The following PLPP7 variants were observed in gnomAD, a reference collection of about 807,000 sequenced individuals.
PLPP7 encodes phospholipid phosphatase 7 (inactive).
PLPP7 carries 11 observed loss-of-function variants against 16.9 expected under a neutral mutation model. The observed-to-expected ratio is 0.65, with a 90% CI of 0.41 to 1.08. PLPP7 has a LOEUF of 1.08. PLPP7 is among the 50% of genes least tolerant of loss of function. The pLI, the probability that PLPP7 is intolerant of heterozygous loss-of-function variation, is 0.00. For synonymous variants in PLPP7, 174 were observed against 175.1 expected (o/e 0.99, Z 0.05); for missense variants, 358 against 397.1 (o/e 0.90, Z 0.84).
rs375155925 is a variant in PLPP7 at position 131,290,090 on chromosome 9, G to T, written c.93G>T (p.Gly31=). 96 of 1,511,574 alleles carry T rather than the reference G, an allele frequency of 6.4e-5. No homozygotes were observed. The highest frequency in any genetic ancestry group is 8.1e-5 in the Non-Finnish European group (92 of 1,130,754). 93.6% of individuals were successfully genotyped at this position (1,511,574 alleles called of 1,614,324 possible). ...TGTCCCTGAACCAGCCCCCCAAGGG[G>T]GGCCCGGAGCCCCGCAGCTCGGGCA... ...EFLSLNQPPK[G]GPEPRSSGRK... is the part of the protein sequence containing the mutation. Residue 31 remains glycine (G), a synonymous_variant, in exon 1 of 2, where the codon GGG becomes GGT. Coordinates refer to ENST00000372264, the MANE Select transcript of PLPP7 (RefSeq NM_032728.4). The surrounding 1 kb of genome is among the most constrained non-coding windows in gnomAD (Gnocchi z 4.2).
chr9:131,299,367 CT>C (rs879556919), intron 1 of PLPP7, among the ~76,000 whole-genome samples: 101,468 of 151,940 alleles, frequency 0.67, 34,841 homozygotes, highest in Middle Eastern at 0.78. Flanking sequence ...CTTGAGTCAA[CT>C]GGTCGACTGG....
At chr9:131,301,489 C>T (rs1271569696) in intron 1 of PLPP7, among the ~76,000 whole-genome samples, 2 of 152,234 alleles carry the variant, frequency 1.3e-5, no homozygotes, top group Non-Finnish European at 2.9e-5. Flanking sequence ...CAACCACCAC[C>T]ACCAGGAGGC....
intron 1 of PLPP7, among the ~76,000 whole-genome samples, chr9:131,302,097 G>T (rs904998445): frequency 6.6e-6 from 1 of 152,156 alleles, no homozygotes; most frequent in African/African-American, 2.4e-5. Context: ...GGAATTACAG[G>T]CGTGAGCCAC....
intron 1 of PLPP7, among the ~76,000 whole-genome samples, chr9:131,303,040 A>G (rs915089832): frequency 1.6e-4 from 25 of 152,296 alleles, no homozygotes; most frequent in African/African-American, 5.5e-4. Flanking sequence ...TATTAAATCT[A>G]TGCTCCAAAG....
chr9:131,289,916 C>A lies in PLPP7; in HGVS notation c.-82C>A. The A allele has an allele frequency of 8.2e-7, 1 of 1,214,556 alleles. No individual in the cohort carries two copies. 75.2% of individuals were successfully genotyped at this position (1,214,556 alleles called of 1,614,324 possible). ...GGCAGGGAGGCAGCCACGGTGGCGG[C>A]TCTGGGGGCAGCTCTTGTCTTCGGG... On this transcript the variant is annotated 5_prime_UTR_variant, in exon 1 of 2. Coordinates refer to ENST00000372264, the MANE Select transcript of PLPP7 (RefSeq NM_032728.4).
intron 1 of PLPP7, among the ~76,000 whole-genome samples, chr9:131,296,383 C>T (rs900633042): frequency 6.6e-6 from 1 of 152,206 alleles, no homozygotes; most frequent in African/African-American, 2.4e-5. Flanking sequence ...CCTGCCTCTG[C>T]CTCCCAAGTA....
In PLPP7 at chr9:131,308,266, G is replaced by T. The variant is rs2131222631; in HGVS notation, c.795G>T (p.Gln265His). Reference protein sequence around the residue: ...ELVWMPSSTCQMLISAW With the variant: ...ELVWMPSSTCHMLISAW ...TCTGGATGCCCTCCAGCACCTGCCA[G>T]ATGCTCATCTCTGCCTGGTGAAGCG... is the stretch of plus-strand genomic sequence containing the variant. The change falls in exon 2 of 2, where the codon CAG becomes CAT. Residue 265 changes from glutamine (Q) to histidine (H), a missense_variant. Coordinates refer to ENST00000372264, the MANE Select transcript of PLPP7 (RefSeq NM_032728.4). 6.3e-7 allele frequency: 1 copy of T among 1,595,324 alleles called. No individual in the cohort carries two copies. Among genetic ancestry groups the T allele is most frequent in the Non-Finnish European group, 8.5e-7 (1 of 1,178,104 alleles).
At chr9:131,304,174 C>A (rs1267110614) in intron 1 of PLPP7, among the ~76,000 whole-genome samples, 1 of 152,152 alleles carries the variant, frequency 6.6e-6, no homozygotes, top group Non-Finnish European at 1.5e-5. Context: ...CCTGGAACCC[C>A]CACATTGGCG....
intron 1 of PLPP7, among the ~76,000 whole-genome samples, chr9:131,302,189 C>G (rs1009228656): frequency 2.0e-5 from 3 of 152,162 alleles, no homozygotes; most frequent in African/African-American, 7.2e-5. Flanking sequence ...AAAGCCCCAG[C>G]CAGTGAGACT....
intron 1 of PLPP7, among the ~76,000 whole-genome samples, chr9:131,291,954 A>G (rs1835682624): frequency 6.6e-6 from 1 of 152,212 alleles, no homozygotes; most frequent in Non-Finnish European, 1.5e-5. Context: ...AAACAGTCTC[A>G]CGAGGTTGGT....
rs76381341 is a variant in PLPP7 at position 131,291,451 on chromosome 9, A to T, written c.451+1003A>T. 996 of 1,103,136 alleles carry T rather than the reference A, an allele frequency of 9.0e-4. 1 individual carries two copies. The highest frequency in any genetic ancestry group is 1.1e-3 in the Admixed American group (27 of 25,132). The allele number at this position is 1,103,136 out of a possible 1,614,324, so 68.3% of individuals were successfully genotyped here. Reference sequence around the variant, plus strand: ...ACACGTATCTCCCTGCTCTAGTCTCAGTCTGGAGGCTCTATGCTCTCTGGG... The same window carrying T: ...ACACGTATCTCCCTGCTCTAGTCTCTGTCTGGAGGCTCTATGCTCTCTGGG... On this transcript the variant is annotated intron_variant, in intron 1 of 1. Transcript: ENST00000372264.
Position 131,299,681 on chromosome 9 carries a change from C to T in PLPP7, c.452-8242C>T, listed in dbSNP as rs80287036. On this transcript the variant is annotated intron_variant, in intron 1 of 1. Coordinates refer to ENST00000372264, the MANE Select transcript of PLPP7 (RefSeq NM_032728.4). ...GGCATGGTGAGGGCGAAAAGCCACG[C>T]ACCCCGTCACACCTGTGATAGAGTA... Among the ~76,000 whole-genome samples the T allele has an allele frequency of 6.9e-3, 1,046 of 152,294 alleles. 10 individuals are homozygous for T. The highest frequency in any genetic ancestry group is 0.024 in the African/African-American group (1,015 of 41,542).
chr9:131,304,742 C>T (rs912671889), intron 1 of PLPP7, among the ~76,000 whole-genome samples: 2 of 152,180 alleles, frequency 1.3e-5, no homozygotes, highest in Non-Finnish European at 2.9e-5. Context: ...TTTCTAGCCA[C>T]GGGGAAAAAA....
rs796594418 is a variant in PLPP7, at chr9:131,295,159, C to CA, written c.451+4711_451+4712insA. Among the ~76,000 whole-genome samples, 2 of 146,070 alleles carry CA rather than the reference C, an allele frequency of 1.4e-5. No individual in the cohort carries two copies. The highest frequency in any genetic ancestry group is 5.0e-5 in the African/African-American group (2 of 40,032). Reference sequence around the variant, plus strand: ...GAGATTTTCCTGAATATGAAAACTACTTTTTTTTTTTTGAGACGGAGTCTC... The same window carrying CA: ...GAGATTTTCCTGAATATGAAAACTACATTTTTTTTTTTTGAGACGGAGTCTC... On this transcript the variant is annotated intron_variant, in intron 1 of 1. Transcript: ENST00000372264. This position sits in a 1 kb window ranked among gnomAD's most constrained non-coding sequence, Gnocchi z 4.0.
chr9:131,290,409 A>G lies in PLPP7; in HGVS notation c.412A>G (p.Thr138Ala). 1 of 1,571,696 alleles carries G rather than the reference A, an allele frequency of 6.4e-7. No homozygotes were observed. The highest frequency in any genetic ancestry group is 8.6e-7 in the Non-Finnish European group (1 of 1,158,362). Residue 138 changes from threonine to alanine, a missense_variant, in exon 1 of 2, where the codon ACA (threonine) becomes GCA (alanine). Transcript: ENST00000372264. The surrounding 1 kb of genome is among the most constrained non-coding windows in gnomAD (Gnocchi z 4.2). Reference sequence around the variant, plus strand: ...CATCCTCTGCCTGGTGAAGAGCAGCACACTGGCCGGCCAGGAGGTGCTCAT... The same window carrying G: ...CATCCTCTGCCTGGTGAAGAGCAGCGCACTGGCCGGCCAGGAGGTGCTCAT... The part of the protein sequence containing the change: ...GTILCLVKSS[T>A]LAGQEVLMNL...
intron 1 of PLPP7, among the ~76,000 whole-genome samples, chr9:131,301,923 TCTC>T (rs1835802787): frequency 6.6e-6 from 1 of 151,442 alleles, no homozygotes; most frequent in African/African-American, 2.4e-5. Flanking sequence ...TTCAAGTGAT[TCTC>T]CTGCCTCAGC....
intron 1 of PLPP7, among the ~76,000 whole-genome samples, chr9:131,302,452 C>A (rs1368643182): frequency 6.6e-6 from 1 of 152,122 alleles, no homozygotes; most frequent in African/African-American, 2.4e-5. Flanking sequence ...GGGGACCTGG[C>A]AGTCCCCAGT....
In PLPP7 at chr9:131,290,591, C is replaced by A; in HGVS notation, c.451+143C>A. 1.4e-6 allele frequency: 1 copy of A among 738,974 alleles called. No homozygotes were observed. Among genetic ancestry groups the A allele is most frequent in the Non-Finnish European group, 2.0e-6 (1 of 495,108 alleles). The allele number at this position is 738,974 out of a possible 1,614,324, so 45.8% of individuals were successfully genotyped here. ...ATGAGGTTAGGCAGGAAGGGTGCCC[C>A]AGAAACAGGCAGGCTCCGGCGTGGG... On this transcript the variant is annotated intron_variant, in intron 1 of 1. Transcript: ENST00000372264. This position sits in a 1 kb window ranked among gnomAD's most constrained non-coding sequence, Gnocchi z 4.2.
chr9:131,291,554 T>G, intron 1 of PLPP7: 1 of 291,302 alleles, frequency 3.4e-6, no homozygotes, highest in Non-Finnish European at 5.1e-6. Context: ...GGTTTTCTTG[T>G]TCCTTTTTTT....
Sources: allele counts gnomAD v4.1 joint callset (sites outside exome capture counted in the v4.1 genomes callset), GRCh38; gene constraint gnomAD v4.1.1; non-coding constraint Gnocchi (gnomAD v3.1); transcripts MANE v1.5; gene names NCBI Gene and HGNC (gene_info 2026-07-23, HGNC 2026-07-21).